Variants in ZNF438 observed in about 807,000 individuals in gnomAD.
ZNF438 encodes the protein zinc finger protein 438.
Under a neutral mutation model 38.0 loss-of-function variants are expected in ZNF438, and 25 were observed. The ratio of observed to expected loss-of-function variants is 0.66; its 90% CI spans 0.48 to 0.92. The LOEUF (loss-of-function observed/expected upper bound fraction) is 0.92, where lower values mean the gene tolerates loss of function less well. ZNF438 is among the 40% of genes least tolerant of loss of function. The pLI, the probability that ZNF438 is intolerant of heterozygous loss-of-function variation, is 0.00. For missense variants in ZNF438, 1,007 were observed against 999.6 expected (o/e 1.01, Z -0.10); for synonymous variants, 372 against 364.1 (o/e 1.02, Z -0.25).
chr10:30,887,037 C>T (rs909236883), intron 3 of ZNF438, among the ~76,000 whole-genome samples: 1 of 152,150 alleles, frequency 6.6e-6, no homozygotes, highest in Non-Finnish European at 1.5e-5. Context: ...GCAAATGACT[C>T]CCCTGTGAGC....
At chr10:30,948,067 G>C (rs1441016352) in intron 1 of ZNF438, among the ~76,000 whole-genome samples, 2 of 152,132 alleles carry the variant, frequency 1.3e-5, no homozygotes, top group Non-Finnish European at 2.9e-5. Flanking sequence ...CGGGCAGACT[G>C]CCTCCTCAAG....
intron 5 of ZNF438, among the ~76,000 whole-genome samples, chr10:30,846,865 A>G (rs906872957): frequency 1.3e-5 from 2 of 152,264 alleles, no homozygotes; most frequent in East Asian, 1.9e-4. Flanking sequence ...TGCTGTCAGC[A>G]CCTGCTCCAA....
At chr10:30,871,450 C>T (rs968623) in intron 4 of ZNF438, among the ~76,000 whole-genome samples, 68,088 of 151,924 alleles carry the variant, frequency 0.45, 15,786 homozygotes, top group African/African-American at 0.56. Context: ...CATGCCAGGA[C>T]GCTTTAAATC....
At position 30,848,749 on chromosome 10, in the gene ZNF438, T is replaced by C. The variant is rs755701967; in HGVS notation, c.1656A>G (p.Thr552=). 9 of 1,614,062 alleles carry C rather than the reference T, an allele frequency of 5.6e-6. 1 individual carries two copies. The South Asian group carries it at 8.8e-5, about 16-fold the overall frequency. The change falls in exon 5 of 6, where the codon ACA becomes ACG. Residue 552 remains threonine (T), a synonymous_variant. Coordinates refer to ENST00000413025, the Ensembl canonical transcript of ZNF438. ...TCTCACCATGATGAAGTTTCATGTGTGTGCTCAGGCTGCCAGGACGTACAT... is the reference window on the plus strand; with the variant it reads ...TCTCACCATGATGAAGTTTCATGTGCGTGCTCAGGCTGCCAGGACGTACAT...
chr10:30,895,998 T>C (rs1252268590), intron 3 of ZNF438, among the ~76,000 whole-genome samples: 1 of 152,008 alleles, frequency 6.6e-6, no homozygotes, highest in African/African-American at 2.4e-5. Flanking sequence ...TCCACATCTG[T>C]GTGAATGTCA....
At chr10:30,938,829 TCTGTTGCCAGG>T (rs1268831116) in intron 2 of ZNF438, among the ~76,000 whole-genome samples, 20 of 152,274 alleles carry the variant, frequency 1.3e-4, no homozygotes, top group African/African-American at 4.6e-4. Flanking sequence ...GGAGTCTCAC[TCTGTTGCCAGG>T]CTGGAGTGCA....
At chr10:30,871,369 G>C (rs900672032) in intron 4 of ZNF438, among the ~76,000 whole-genome samples, 1 of 152,056 alleles carries the variant, frequency 6.6e-6, no homozygotes, top group African/African-American at 2.4e-5. Context: ...AGGTGTGATT[G>C]ATTTATAAAA....
At chr10:30,895,732 G>C (rs924587961) in intron 3 of ZNF438, among the ~76,000 whole-genome samples, 5 of 152,074 alleles carry the variant, frequency 3.3e-5, no homozygotes, top group Admixed American at 2.0e-4. Flanking sequence ...ATGTACAAAT[G>C]GCCAACAAGC....
intron 3 of ZNF438, among the ~76,000 whole-genome samples, chr10:30,894,548 T>C (rs930022548): frequency 6.6e-6 from 1 of 152,088 alleles, no homozygotes; most frequent in African/African-American, 2.4e-5. Context: ...CTGAGGACAG[T>C]GAATAATGAG....
chr10:30,894,839 C>T (rs941854642), intron 3 of ZNF438, among the ~76,000 whole-genome samples: 1 of 152,188 alleles, frequency 6.6e-6, no homozygotes, highest in East Asian at 1.9e-4. Context: ...GTGTGCACGG[C>T]TGACAGTCTT....
intron 1 of ZNF438, among the ~76,000 whole-genome samples, chr10:30,966,984 C>A (rs1407764207): frequency 1.3e-5 from 2 of 152,132 alleles, no homozygotes; most frequent in Admixed American, 6.5e-5. Context: ...GTCCCCAAGT[C>A]CCTAGGTTCC....
intron 1 of ZNF438, among the ~76,000 whole-genome samples, chr10:31,029,876 T>A (rs1435715339): frequency 6.6e-6 from 1 of 152,230 alleles, no homozygotes. Context: ...CAGAGCATTG[T>A]CCTGTGCTGT....
intron 1 of ZNF438, among the ~76,000 whole-genome samples, chr10:30,948,267 G>C (rs1412909080): frequency 7.9e-5 from 12 of 152,054 alleles, no homozygotes; most frequent in South Asian, 4.2e-4. Flanking sequence ...CATCATCAAA[G>C]ACCAAAAGTA....
chr10:30,937,258 G>A (rs2046352799), intron 2 of ZNF438, among the ~76,000 whole-genome samples: 1 of 152,144 alleles, frequency 6.6e-6, no homozygotes, highest in Admixed American at 6.6e-5. Context: ...TAGTCAGGAG[G>A]CATGCTTGGG....
chr10:30,915,309 C>A (rs1349557735), intron 2 of ZNF438, among the ~76,000 whole-genome samples: 3 of 151,972 alleles, frequency 2.0e-5, no homozygotes, highest in Non-Finnish European at 4.4e-5. Context: ...TCATGCAAGT[C>A]GAGTAGCTTT....
intron 3 of ZNF438, among the ~76,000 whole-genome samples, chr10:30,906,834 CTCTAT>C (rs1364095820): frequency 6.6e-6 from 1 of 152,148 alleles, no homozygotes; most frequent in Non-Finnish European, 1.5e-5. Context: ...GACTTCTGTT[CTCTAT>C]TCTATTAATG....
At chr10:30,865,146 T>A (rs2036216394) in intron 4 of ZNF438, among the ~76,000 whole-genome samples, 1 of 152,260 alleles carries the variant, frequency 6.6e-6, no homozygotes, top group African/African-American at 2.4e-5. Flanking sequence ...TCCATCTCAA[T>A]GTTGAGAAAA....
chr10:30,988,334 C>T (rs1053022322), intron 1 of ZNF438, among the ~76,000 whole-genome samples: 1 of 151,758 alleles, frequency 6.6e-6, no homozygotes, highest in Non-Finnish European at 1.5e-5. Context: ...GTAGCAATCA[C>T]AAAATGCAAC....
intron 1 of ZNF438, among the ~76,000 whole-genome samples, chr10:31,001,056 C>T (rs944954099): frequency 1.3e-5 from 2 of 152,164 alleles, no homozygotes; most frequent in African/African-American, 4.8e-5. Context: ...ATAACTGCTT[C>T]TCCATTCACT....
Sources: gnomAD v4.1 joint callset for allele counts (sites outside exome capture counted in the v4.1 genomes callset) on GRCh38, gnomAD v4.1.1 for gene constraint, MANE v1.5 for transcripts, NCBI Gene and HGNC (gene_info 2026-07-23, HGNC 2026-07-21) for gene names.